TSC22D2: variants seen among roughly 807,000 people sequenced by gnomAD.
The protein encoded by TSC22D2 is TSC22 domain family protein 2.
TSC22D2 carries 5 observed loss-of-function variants against 50.1 expected under a neutral mutation model. The ratio of observed to expected loss-of-function variants is 0.10; its 90% confidence interval spans 0.05 to 0.21. TSC22D2 has a LOEUF of 0.21. Among genes scored for constraint, TSC22D2 ranks in the 10% least tolerant of loss-of-function variants. The probability of loss-of-function intolerance (pLI) is 1.00; values close to 1 mark genes in which losing one functional copy is unlikely to be tolerated. For synonymous variants in TSC22D2, 501 were observed against 450.1 expected (o/e 1.11, Z -1.43); for missense variants, 1,003 against 1,015.5 (o/e 0.99, Z 0.17).
chr3:150,438,966 CTTTGT>C lies in TSC22D2; in HGVS notation c.1959-18104_1959-18100del, dbSNP rs1489855186. Among the ~76,000 whole-genome samples the C allele has an allele frequency of 3.9e-5, 6 of 152,170 alleles. No individual in the cohort carries two copies. In the East Asian group the frequency reaches 9.6e-4, roughly 24 times the overall value. ...CAGTATTCTGCTTAGAAAAAAACTACTTTGTTTTGTGCAGTTTCTTATTTTGCTTT... is the reference window on the plus strand; with the variant it reads ...CAGTATTCTGCTTAGAAAAAAACTACTTTGTGCAGTTTCTTATTTTGCTTT... On this transcript the variant is annotated intron_variant, in intron 1 of 2. Coordinates refer to ENST00000688009, the MANE Select transcript of TSC22D2 (RefSeq NM_001303264.2).
At chr3:150,415,291 A>G (rs1719759880) in intron 1 of TSC22D2, among the ~76,000 whole-genome samples, 2 of 152,232 alleles carry the variant, frequency 1.3e-5, no homozygotes, top group South Asian at 2.1e-4. Flanking sequence ...ACTAAATCAT[A>G]TAGGCCAAAC....
At chr3:150,433,931 C>T (rs773124120) in intron 1 of TSC22D2, among the ~76,000 whole-genome samples, 6 of 151,896 alleles carry the variant, frequency 4.0e-5, no homozygotes, top group African/African-American at 4.8e-5. Context: ...AAAAATTAGC[C>T]GGGTGTGATG....
chr3:150,429,563 TATA>T, intron 1 of TSC22D2, among the ~76,000 whole-genome samples: 1 of 152,146 alleles, frequency 6.6e-6, no homozygotes, highest in East Asian at 1.9e-4. Context: ...GCTCTCAAAA[TATA>T]ATTCAAATTC....
chr3:150,437,335 G>A (rs1207089695), intron 1 of TSC22D2, among the ~76,000 whole-genome samples: 1 of 152,090 alleles, frequency 6.6e-6, no homozygotes, highest in Non-Finnish European at 1.5e-5. Flanking sequence ...AGGATACATT[G>A]TTATTCGGTT....
intron 1 of TSC22D2, among the ~76,000 whole-genome samples, chr3:150,423,934 C>T (rs1289893410): frequency 6.6e-6 from 1 of 152,206 alleles, no homozygotes; most frequent in African/African-American, 2.4e-5. Flanking sequence ...TTTGTGTCTT[C>T]TGGCATAGTT....
intron 1 of TSC22D2, among the ~76,000 whole-genome samples, chr3:150,445,358 TAAG>T (rs1037993544): frequency 6.9e-6 from 1 of 144,840 alleles, no homozygotes. Context: ...ATAATAATAA[TAAG>T]CCTTGTAAAT....
chr3:150,458,618 G>T lies in TSC22D2; in HGVS notation c.2253G>T (p.Pro751=). 1 of 1,614,006 alleles carries T rather than the reference G, an allele frequency of 6.2e-7. No individual in the cohort carries two copies. The highest frequency in any genetic ancestry group is 8.5e-7 in the Non-Finnish European group (1 of 1,179,960). Residue 751 remains proline (P), a synonymous_variant, in exon 3 of 3, where the codon CCG becomes CCT. Transcript: ENST00000688009. The part of the protein sequence containing the change: ...PPQPTQPPQQ[P]NVSSA ...AGCCAACGCAACCTCCACAGCAGCC[G>T]AATGTCTCCTCAGCATAAAGCTTTC...
At chr3:150,431,750 TTGC>T (rs1255311657) in intron 1 of TSC22D2, among the ~76,000 whole-genome samples, 1 of 152,170 alleles carries the variant, frequency 6.6e-6, no homozygotes, top group Non-Finnish European at 1.5e-5. Context: ...AGGTCTTTTA[TTGC>T]TCAGAGTTGG....
chr3:150,409,783 G>T lies in TSC22D2; in HGVS notation c.433G>T (p.Gly145Trp), dbSNP rs761788392. ...CCCCCAGCTCGCGGGCTCATCCGCC[G>T]GGCCAGTGACTGCAGCCCCATCTCA... ...GGPQLAGSSA[G>W]PVTAAPSQPP... The change falls in exon 1 of 3, where the codon GGG becomes TGG. Residue 145 changes from glycine to tryptophan, a missense_variant. Gly to Trp is a radical substitution (Grantham distance 184). This residue lies in a region of TSC22D2 where 200 missense variants were observed against 182.8 expected (regional missense o/e 1.09). Transcript: ENST00000688009. The surrounding 1 kb of genome is among the most constrained non-coding windows in gnomAD (Gnocchi z 7.4). The T allele has an allele frequency of 1.2e-6, 2 of 1,602,650 alleles. No homozygotes were observed. Among genetic ancestry groups the T allele is most frequent in the Admixed American group, 1.7e-5 (1 of 59,998 alleles).
At position 150,409,857 on chromosome 3, in the gene TSC22D2, C is replaced by T. The variant is rs190464574; in HGVS notation, c.507C>T (p.His169=). ...GTTTTCGCGTGATCAAGCTGGACCA[C>T]GGGAGCGGAGAGCCCTATAGACGCG... ...SSRFRVIKLD[H]GSGEPYRRGR... Residue 169 remains histidine (H), a synonymous_variant, in exon 1 of 3, where the codon CAC becomes CAT. Transcript: ENST00000688009. This position sits in a 1 kb window ranked among gnomAD's most constrained non-coding sequence, Gnocchi z 7.4. 5 of 1,610,364 alleles carry T rather than the reference C, an allele frequency of 3.1e-6. No homozygotes were observed. The African/African-American group carries it at 5.3e-5, about 17-fold the overall frequency.
rs151118479 is a variant in TSC22D2 at position 150,409,933 on chromosome 3, C to T, written c.583C>T (p.Leu195=). The T allele has an allele frequency of 1.2e-6, 2 of 1,613,882 alleles. No homozygotes were observed. The highest frequency in any genetic ancestry group is 2.7e-5 in the African/African-American group (2 of 74,948). Residue 195 remains leucine (L), a synonymous_variant, in exon 1 of 3, where the codon CTG becomes TTG. Transcript: ENST00000688009. The surrounding 1 kb of genome is among the most constrained non-coding windows in gnomAD (Gnocchi z 7.4). The part of the protein sequence containing the change: ...YYERDSDSSV[L]TRSGDCIRHS... ...TGAGAGGGATTCAGACAGCAGCGTC[C>T]TGACTAGATCCGGGGATTGCATTAG...
intron 1 of TSC22D2, among the ~76,000 whole-genome samples, chr3:150,436,527 C>A (rs1720549260): frequency 1.3e-5 from 2 of 152,022 alleles, no homozygotes; most frequent in South Asian, 4.1e-4. Flanking sequence ...AAAAGTAAAT[C>A]TTCAAAAGAT....
rs1480513311 is a variant in TSC22D2 at position 150,459,841 on chromosome 3, AAAAAAGTG to A, written c.*1207_*1214del. The A allele has an allele frequency of 2.0e-5, 3 of 151,844 alleles. No individual in the cohort carries two copies. Among genetic ancestry groups the A allele is most frequent in the Non-Finnish European group, 4.4e-5 (3 of 67,882 alleles). The allele number at this position is 151,844 out of a possible 1,614,324, so 9.4% of individuals were successfully genotyped here. ...ACACTAGTTGTAAAAAAAAAAAAAA[AAAAAAGTG>A]AGCCATCTTTTGTTCATTTAAAATG... On this transcript the variant is annotated 3_prime_UTR_variant, in exon 3 of 3. Coordinates refer to ENST00000688009, the MANE Select transcript of TSC22D2 (RefSeq NM_001303264.2).
intron 1 of TSC22D2, among the ~76,000 whole-genome samples, chr3:150,434,876 T>C (rs1720488045): frequency 6.6e-6 from 1 of 151,822 alleles, no homozygotes. Context: ...ATATTTAGTT[T>C]CTGGCATAGC....
At chr3:150,455,221 G>T (rs930336981) in intron 1 of TSC22D2, among the ~76,000 whole-genome samples, 2 of 152,148 alleles carry the variant, frequency 1.3e-5, no homozygotes, top group African/African-American at 4.8e-5. Context: ...AATGTGTTCA[G>T]TATTTGTGGT....
At chr3:150,450,087 C>T (rs1720997224) in intron 1 of TSC22D2, among the ~76,000 whole-genome samples, 2 of 152,044 alleles carry the variant, frequency 1.3e-5, no homozygotes, top group African/African-American at 4.8e-5. Context: ...ATAAGACTGA[C>T]TCTAGACAAA....
In TSC22D2 at chr3:150,458,695, G is replaced by T; in HGVS notation, c.*59G>T. 1 of 1,590,654 alleles carries T rather than the reference G, an allele frequency of 6.3e-7. No homozygotes were observed. The highest frequency in any genetic ancestry group is 8.6e-7 in the Non-Finnish European group (1 of 1,168,466). ...AAGCAATCTATCCTTGTGTGCCACT[G>T]GTGTTCTTTCCACTTTATACGAAAG... is the stretch of plus-strand genomic sequence containing the variant. On this transcript the variant is annotated 3_prime_UTR_variant, in exon 3 of 3. Transcript: ENST00000688009.
rs756957480 is a variant in TSC22D2, at chr3:150,458,600, G to A, written c.2235G>A (p.Thr745=). The A allele has an allele frequency of 5.6e-6, 9 of 1,613,934 alleles. No homozygotes were observed. Among genetic ancestry groups the A allele is most frequent in the East Asian group, 4.5e-5 (2 of 44,890 alleles). The change falls in exon 3 of 3, where the codon ACG becomes ACA. Residue 745 remains threonine (T), a synonymous_variant. Coordinates refer to ENST00000688009, the MANE Select transcript of TSC22D2 (RefSeq NM_001303264.2). Reference sequence around the variant, plus strand: ...TGATAGCACAGCCTCCGCAGCCAACGCAACCTCCACAGCAGCCGAATGTCT... The same window carrying A: ...TGATAGCACAGCCTCCGCAGCCAACACAACCTCCACAGCAGCCGAATGTCT... ...QAVIAQPPQP[T]QPPQQPNVSS...
At chr3:150,436,885 G>A (rs1382111297) in intron 1 of TSC22D2, among the ~76,000 whole-genome samples, 2 of 152,146 alleles carry the variant, frequency 1.3e-5, no homozygotes, top group Admixed American at 6.5e-5. Context: ...GCATGACCCA[G>A]CCTGTACATT....
Sources: gnomAD v4.1 joint callset for allele counts (sites outside exome capture counted in the v4.1 genomes callset) on GRCh38, gnomAD v4.1.1 for gene constraint, gnomAD v4.1.1 regional missense constraint, Gnocchi (gnomAD v3.1) non-coding constraint, MANE v1.5 for transcripts, NCBI Gene and HGNC (gene_info 2026-07-23, HGNC 2026-07-21) for gene names.